ARAP2: variants seen among roughly 807,000 people sequenced by gnomAD.
The protein encoded by ARAP2 is arf-GAP with Rho-GAP domain, ANK repeat and PH domain-containing protein 2.
ARAP2 carries 148 observed loss-of-function variants against 194.5 expected under a neutral mutation model. That is an observed-to-expected ratio of 0.76 (90% CI 0.67 to 0.87). The LOEUF is 0.87. ARAP2 is among the 40% of genes least tolerant of loss of function. The pLI, the probability that ARAP2 is intolerant of heterozygous loss-of-function variation, is 0.00. For synonymous variants in ARAP2, 695 were observed against 683.5 expected (o/e 1.02, Z -0.26); for missense variants, 2,128 against 1,989.7 (o/e 1.07, Z -1.32).
intron 8 of ARAP2, among the ~76,000 whole-genome samples, chr4:36,182,216 G>T (rs1739444575): frequency 6.6e-6 from 1 of 152,128 alleles, no homozygotes; most frequent in African/African-American, 2.4e-5. Flanking sequence ...AAACTGGCCG[G>T]GCATGGTGGC....
chr4:36,006,591 G>C (rs1428863569), intron 10 of ARAP2: 1 of 151,952 alleles, frequency 6.6e-6, no homozygotes, highest in Non-Finnish European at 1.5e-5. Context: ...GTATATTATG[G>C]CATTGATTTA....
At chr4:36,165,788 C>A (rs1387220388) in intron 10 of ARAP2, among the ~76,000 whole-genome samples, 1 of 152,106 alleles carries the variant, frequency 6.6e-6, no homozygotes, top group Non-Finnish European at 1.5e-5. Context: ...TGAGCCCCTG[C>A]AATGTGCAAA....
chr4:36,212,618 T>A (rs530728632), intron 4 of ARAP2, 131 bp from the exon 5 acceptor site: 2 of 548,594 alleles, frequency 3.6e-6, no homozygotes, highest in Non-Finnish European at 6.4e-6. Flanking sequence ...TAAGTCTAAT[T>A]ACTTAGATCA....
chr4:36,239,011 C>T (rs920662093), intron 1 of ARAP2, among the ~76,000 whole-genome samples: 18 of 152,302 alleles, frequency 1.2e-4, no homozygotes, highest in East Asian at 5.8e-4. Flanking sequence ...TGGTGGCTCA[C>T]GCCTGTAATC....
intron 5 of ARAP2, among the ~76,000 whole-genome samples, chr4:36,035,425 G>T (rs1481675773): frequency 3.3e-5 from 5 of 152,024 alleles, no homozygotes; most frequent in Admixed American, 6.6e-5. Context: ...ATTATTGATG[G>T]TTAATTGTAT....
chr4:36,154,697 C>T (rs1471623606), intron 15 of ARAP2, among the ~76,000 whole-genome samples: 1 of 152,052 alleles, frequency 6.6e-6, no homozygotes, highest in Non-Finnish European at 1.5e-5. Context: ...AAAACCTGAA[C>T]TGACAATTTG....
intron 32 of ARAP2, among the ~76,000 whole-genome samples, chr4:36,071,784 T>C (rs1477031126): frequency 6.6e-6 from 1 of 151,526 alleles, no homozygotes; most frequent in East Asian, 1.9e-4. Context: ...TGTGCCATGC[T>C]GGTGCGCTGC....
chr4:36,224,154 A>G (rs1394947859), intron 2 of ARAP2, among the ~76,000 whole-genome samples: 2 of 151,752 alleles, frequency 1.3e-5, no homozygotes, highest in Non-Finnish European at 2.9e-5. Flanking sequence ...TACTACTTAG[A>G]CAAGGCAGCC....
chr4:36,073,777 G>A lies in ARAP2; in HGVS notation c.4655C>T (p.Ser1552Leu), dbSNP rs1237277466. The change falls in exon 32 of 33, where the codon TCA becomes TTA. Residue 1552 changes from serine to leucine, a missense_variant. Coordinates refer to ENST00000303965, the MANE Select transcript of ARAP2 (RefSeq NM_015230.4). ...WPPAGKERKR[S>L]ITKNPKIGGL... ...TCCAATTTTGGGATTTTTGGTTATT[G>A]AACGTTTTCGTTCCTTTCCAGCTGG... 2 of 1,613,144 alleles carry A rather than the reference G, an allele frequency of 1.2e-6. No homozygotes were observed. Among genetic ancestry groups the A allele is most frequent in the African/African-American group, 2.7e-5 (2 of 74,950 alleles).
intron 21 of ARAP2, among the ~76,000 whole-genome samples, chr4:36,126,641 T>A (rs1723979319): frequency 6.6e-6 from 1 of 152,020 alleles, no homozygotes; most frequent in African/African-American, 2.4e-5. Flanking sequence ...ACTATACTGT[T>A]GGCAAAAGCA....
At chr4:36,107,436 A>T in intron 27 of ARAP2, 129 bp downstream of exon 27, 1 of 909,124 alleles carries the variant, frequency 1.1e-6, no homozygotes, top group Non-Finnish European at 1.6e-6. Context: ...TTATATATGT[A>T]CTATCTCAGT....
At chr4:36,069,204 A>G (rs553187273) in intron 32 of ARAP2, among the ~76,000 whole-genome samples, 9 of 152,326 alleles carry the variant, frequency 5.9e-5, no homozygotes, top group African/African-American at 2.2e-4. Context: ...TTTATAACAG[A>G]AAATTCAAGT....
At chr4:36,060,666 CAT>C (rs1724278593) in intron 1 of ARAP2, among the ~76,000 whole-genome samples, 1 of 152,128 alleles carries the variant, frequency 6.6e-6, no homozygotes, top group African/African-American at 2.4e-5. Context: ...TTTATTTTCT[CAT>C]AGTTTTAAGG....
chr4:36,210,337 A>T, intron 6 of ARAP2, 53 bp downstream of exon 6: 5 of 1,493,122 alleles, frequency 3.3e-6, no homozygotes, highest in Non-Finnish European at 4.5e-6. Context: ...GAAATGAATA[A>T]ACTTGAAATT....
chr4:36,188,261 A>G (rs1339796012), intron 7 of ARAP2, among the ~76,000 whole-genome samples: 1 of 152,128 alleles, frequency 6.6e-6, no homozygotes, highest in African/African-American at 2.4e-5. Flanking sequence ...CTACTGCACA[A>G]TTTCAACTCT....
intron 2 of ARAP2, among the ~76,000 whole-genome samples, chr4:36,216,985 A>G (rs368367122): frequency 1.3e-5 from 2 of 152,202 alleles, no homozygotes; most frequent in South Asian, 2.1e-4. Flanking sequence ...GACCAATGTC[A>G]TCATTGTGTG....
At chr4:36,058,041 G>T (rs149606298) in exon 2 of ARAP2, 1 of 152,254 alleles carries the variant, frequency 6.6e-6, no homozygotes, top group African/African-American at 2.4e-5. Flanking sequence ...GAGGTTGTGG[G>T]CAGTTTTGAT....
chr4:36,159,819 G>A (rs557336462), intron 13 of ARAP2: 16 of 181,240 alleles, frequency 8.8e-5, no homozygotes, highest in South Asian at 3.9e-4. Context: ...TGACTGATGC[G>A]CAGAGAATCA....
chr4:36,070,648 G>A (rs937849903), intron 32 of ARAP2, among the ~76,000 whole-genome samples: 3 of 152,182 alleles, frequency 2.0e-5, no homozygotes, highest in African/African-American at 4.8e-5. Flanking sequence ...CCAGAGGCAA[G>A]CCAATGGTTA....
Sources: allele counts gnomAD v4.1 joint callset (sites outside exome capture counted in the v4.1 genomes callset), GRCh38; gene constraint gnomAD v4.1.1; transcripts MANE v1.5; gene names NCBI Gene and HGNC (gene_info 2026-07-23, HGNC 2026-07-21).